AKAP12: variants seen among roughly 807,000 people sequenced by gnomAD.
AKAP12 encodes the protein A-kinase anchoring protein 12.
Under a neutral mutation model 79.9 loss-of-function variants are expected in AKAP12, and 32 were observed. The ratio of observed to expected loss-of-function variants is 0.40; its 90% CI spans 0.30 to 0.54. The LOEUF (loss-of-function observed/expected upper bound fraction) is 0.54, where lower values mean the gene tolerates loss of function less well. Ranked by LOEUF, AKAP12 falls within the 20% of genes least tolerant of loss-of-function variation. The pLI is 0.48. For missense variants in AKAP12, 2,074 were observed against 2,177.0 expected, an observed-to-expected ratio of 0.95 and a Z score of 0.94; for synonymous variants, 808 against 857.0, an observed-to-expected ratio of 0.94 and a Z score of 1.00.
At chr6:151,340,511 G>C (rs549455061) in intron 3 of AKAP12, among the ~76,000 whole-genome samples, 41 of 152,168 alleles carry the variant, frequency 2.7e-4, no homozygotes, top group African/African-American at 9.7e-4. Context: ...GTCCATTTGC[G>C]TTCTCACAGA....
chr6:151,304,965 A>T (rs1373940190), intron 2 of AKAP12, among the ~76,000 whole-genome samples: 1 of 152,198 alleles, frequency 6.6e-6, no homozygotes, highest in Non-Finnish European at 1.5e-5. Context: ...TTTTAAGGAA[A>T]AAACAATGAC....
At chr6:151,298,168 G>T (rs1356281706) in intron 2 of AKAP12, among the ~76,000 whole-genome samples, 2 of 152,076 alleles carry the variant, frequency 1.3e-5, no homozygotes, top group African/African-American at 2.4e-5. Flanking sequence ...GAAAAGAAAA[G>T]AAAAATCACA....
intron 2 of AKAP12, among the ~76,000 whole-genome samples, chr6:151,242,437 A>G (rs11967057): frequency 0.051 from 7,826 of 152,316 alleles, 704 homozygotes; most frequent in African/African-American, 0.18. Context: ...AATCACTTAA[A>G]TGACATCCAG....
intron 2 of AKAP12, among the ~76,000 whole-genome samples, chr6:151,255,047 G>T (rs76154260): frequency 0.094 from 14,319 of 152,146 alleles, 922 homozygotes; most frequent in East Asian, 0.35. Flanking sequence ...CTTCCCAGCC[G>T]CTAGGAGGGC....
intron 2 of AKAP12, among the ~76,000 whole-genome samples, chr6:151,290,889 C>T (rs55807754): frequency 0.012 from 1,761 of 152,282 alleles, 15 homozygotes; most frequent in Non-Finnish European, 0.017. Context: ...GGATTACAGG[C>T]GTGAGCCACC....
At chr6:151,243,882 G>A (rs1222477960) in intron 2 of AKAP12, among the ~76,000 whole-genome samples, 2 of 152,072 alleles carry the variant, frequency 1.3e-5, no homozygotes, top group African/African-American at 4.8e-5. Context: ...TATTAAGGTG[G>A]CAACATATTC....
rs57958959 is a variant in AKAP12 at position 151,309,972 on chromosome 6, GAAA to G, written c.319+4080_319+4082del. Among the ~76,000 whole-genome samples the G allele has an allele frequency of 9.3e-5, 13 of 139,350 alleles. No homozygotes were observed. The East Asian group carries it at 1.2e-3, about 13-fold the overall frequency. The allele number at this position is 139,350 out of a possible 152,430, so 91.4% of individuals were successfully genotyped here. On this transcript the variant is annotated intron_variant, in intron 3 of 4. Coordinates refer to ENST00000402676, the MANE Select transcript of AKAP12 (RefSeq NM_005100.4). The stretch of plus-strand genomic sequence containing the variant: ...GCAAATCTGCTTCTACCGAAAAGAT[GAAA>G]AAAAAAAAAAGAAAAAGAAAAGCTC...
intron 4 of AKAP12, among the ~76,000 whole-genome samples, chr6:151,355,240 C>G (rs186405322): frequency 6.6e-6 from 1 of 151,622 alleles, no homozygotes; most frequent in African/African-American, 2.4e-5. Flanking sequence ...CTGCCCGCCT[C>G]GGCCTCCTAA....
At chr6:151,260,273 G>C (rs890994680) in intron 2 of AKAP12, among the ~76,000 whole-genome samples, 1 of 152,160 alleles carries the variant, frequency 6.6e-6, no homozygotes, top group Non-Finnish European at 1.5e-5. Context: ...AGCCAGTAGA[G>C]TGGAAATTTA....
intron 2 of AKAP12, among the ~76,000 whole-genome samples, chr6:151,255,958 C>G (rs1280496655): frequency 8.7e-6 from 1 of 115,332 alleles, no homozygotes; most frequent in East Asian, 2.5e-4. Context: ...GAGCATGTAC[C>G]CAGCCATTTG....
chr6:151,263,181 A>G (rs2114701435), intron 2 of AKAP12, among the ~76,000 whole-genome samples: 1 of 152,258 alleles, frequency 6.6e-6, no homozygotes, highest in Middle Eastern at 3.4e-3. Context: ...GACTATGGGC[A>G]TGTACCACCA....
rs1026615903 is a variant in AKAP12, at chr6:151,356,463, T to A, written c.*749T>A. 2.0e-5 allele frequency: 3 copies of A among 151,272 alleles called. No homozygotes were observed. Among genetic ancestry groups the A allele is most frequent in the Admixed American group, 6.5e-5 (1 of 15,272 alleles). The allele number at this position is 151,272 out of a possible 1,614,324, so 9.4% of individuals were successfully genotyped here. A position where few individuals can be genotyped will look rare whatever the true frequency, so the allele number is the denominator to read the frequency against. On this transcript the variant is annotated 3_prime_UTR_variant, in exon 5 of 5. Transcript: ENST00000402676. ...TTATATTCTGGTAGCAAATTAACTT[T>A]ACATCCTTTTTCCTACTTGTTATGG...
At chr6:151,309,772 A>G (rs995357601) in intron 3 of AKAP12, among the ~76,000 whole-genome samples, 1 of 152,164 alleles carries the variant, frequency 6.6e-6, no homozygotes, top group Non-Finnish European at 1.5e-5. Context: ...AATAAACACA[A>G]CTAATTACCT....
chr6:151,277,062 T>C (rs1776303465), intron 2 of AKAP12, among the ~76,000 whole-genome samples: 1 of 152,208 alleles, frequency 6.6e-6, no homozygotes, highest in Non-Finnish European at 1.5e-5. Context: ...CAACAACCTG[T>C]GCAATCTTGA....
chr6:151,302,092 C>G (rs1044192580), intron 2 of AKAP12, among the ~76,000 whole-genome samples: 1 of 151,552 alleles, frequency 6.6e-6, no homozygotes, highest in South Asian at 2.1e-4. Context: ...CTCGCTGCAA[C>G]CTCCGCCTCC....
intron 3 of AKAP12, among the ~76,000 whole-genome samples, chr6:151,338,435 C>T (rs1316990020): frequency 6.7e-6 from 1 of 149,404 alleles, no homozygotes; most frequent in Non-Finnish European, 1.5e-5. Flanking sequence ...TTGCCTATAT[C>T]AATTTAGGTT....
At chr6:151,294,536 G>A (rs1776685100) in intron 2 of AKAP12, among the ~76,000 whole-genome samples, 1 of 152,168 alleles carries the variant, frequency 6.6e-6, no homozygotes, top group Non-Finnish European at 1.5e-5. Flanking sequence ...CAAATGCTGT[G>A]GGGTTTGCCA....
chr6:151,251,355 A>G (rs1260035470), intron 2 of AKAP12, among the ~76,000 whole-genome samples: 1 of 152,146 alleles, frequency 6.6e-6, no homozygotes, highest in East Asian at 1.9e-4. Flanking sequence ...CAGAGATAAC[A>G]TCCGCACAGT....
chr6:151,312,897 AG>A (rs1410127206), intron 3 of AKAP12, among the ~76,000 whole-genome samples: 1 of 151,820 alleles, frequency 6.6e-6, no homozygotes. Context: ...TGTTTAGTTC[AG>A]TGCTGAATCC....
Sources: allele counts gnomAD v4.1 joint callset (sites outside exome capture counted in the v4.1 genomes callset), GRCh38; gene constraint gnomAD v4.1.1; transcripts MANE v1.5; gene names NCBI Gene and HGNC (gene_info 2026-07-23, HGNC 2026-07-21).